Variants in RUVBL2 observed in about 807,000 individuals in gnomAD.
RUVBL2 encodes ruvB-like 2.
Under a neutral mutation model 57.9 loss-of-function variants are expected in RUVBL2, and 9 were observed. The ratio of observed to expected loss-of-function variants is 0.16; its 90% CI spans 0.09 to 0.27. The LOEUF (loss-of-function observed/expected upper bound fraction) is 0.27. Ranked by LOEUF, RUVBL2 falls within the 10% of genes least tolerant of loss-of-function variation. RUVBL2 has a pLI of 1.00. For synonymous variants in RUVBL2, 278 were observed against 264.6 expected (o/e 1.05, Z -0.49); for missense variants, 456 against 669.6 (o/e 0.68, Z 3.52).
rs776153588 is a variant in RUVBL2, at chr19:49,013,264, AT to A, written c.1002-1204del. ...GGGGTGAGTCACCGCGTCCGGCCTA[AT>A]TTTTTTTTTTTTTTTGTAGAGATGG... On this transcript the variant is annotated intron_variant, in intron 11 of 14. Coordinates refer to ENST00000595090, the MANE Select transcript of RUVBL2 (RefSeq NM_006666.3). Among the ~76,000 whole-genome samples, 1,160 of 134,158 alleles carry A rather than the reference AT, an allele frequency of 8.6e-3. 9 individuals carry two copies. Among genetic ancestry groups the A allele is most frequent in the Non-Finnish European group, 0.01 (642 of 62,064 alleles). The allele number at this position is 134,158 out of a possible 152,430, so 88.0% of individuals were successfully genotyped here.
Position 49,014,378 on chromosome 19 carries a change from G to T in RUVBL2, c.1002-106G>T, listed in dbSNP as rs568414484. The stretch of plus-strand genomic sequence containing the variant: ...AGACGCGAGCTAAAGGTTAAGTGGT[G>T]TTGGGCCCAGTGAGTGGGTGGCGAT... On this transcript the variant is annotated intron_variant, in intron 11 of 14. Coordinates refer to ENST00000595090, the MANE Select transcript of RUVBL2 (RefSeq NM_006666.3). 213 of 1,383,878 alleles carry T rather than the reference G, an allele frequency of 1.5e-4. No homozygotes were observed. The East Asian group carries it at 4.8e-3, about 31-fold the overall frequency. The allele number at this position is 1,383,878 out of a possible 1,614,324, so 85.7% of individuals were successfully genotyped here.
chr19:48,993,836 T>A, upstream of RUVBL2: 1 of 1,579,020 alleles, frequency 6.3e-7, no homozygotes, highest in Non-Finnish European at 8.7e-7. Flanking sequence ...AAGAACCAGC[T>A]AGCCTAGAGG....
At position 49,011,452 on chromosome 19, in the gene RUVBL2, G is replaced by A. The variant is rs559531502; in HGVS notation, c.1001+142G>A. The A allele has an allele frequency of 2.4e-4, 157 of 664,866 alleles. No individual in the cohort carries two copies. Among genetic ancestry groups the A allele is most frequent in the African/African-American group, 8.9e-4 (50 of 56,226 alleles). 41.2% of individuals were successfully genotyped at this position (664,866 alleles called of 1,614,324 possible). ...TGTGCGCTCTTTGCTTACAAAAGGCGGGTGGGAGGCAGCTCTGCTTCCCGA... is the reference window on the plus strand; with the variant it reads ...TGTGCGCTCTTTGCTTACAAAAGGCAGGTGGGAGGCAGCTCTGCTTCCCGA... On this transcript the variant is annotated intron_variant, in intron 11 of 14. Coordinates refer to ENST00000595090, the MANE Select transcript of RUVBL2 (RefSeq NM_006666.3). This position sits in a 1 kb window ranked among gnomAD's most constrained non-coding sequence, Gnocchi z 4.4.
intron 3 of RUVBL2, 143 bp downstream of exon 3, chr19:49,003,477 G>T (rs973403971): frequency 7.0e-6 from 5 of 713,458 alleles, no homozygotes; most frequent in Non-Finnish European, 7.1e-6. Flanking sequence ...CCACATGTGG[G>T]TTTTCTTGGT....
chr19:48,998,008 G>A (rs531997820), intron 1 of RUVBL2, among the ~76,000 whole-genome samples: 1 of 152,350 alleles, frequency 6.6e-6, no homozygotes, highest in Non-Finnish European at 1.5e-5. Context: ...AGGTGAACAA[G>A]AGAGAACAGG....
chr19:48,993,963 G>C, intron 1 of RUVBL2, 40 bp downstream of exon 1: 1 of 1,613,176 alleles, frequency 6.2e-7, no homozygotes, highest in South Asian at 1.1e-5. Flanking sequence ...CGAGCTAGCA[G>C]TCTCGAGTTT....
Position 49,003,697 on chromosome 19 carries a change from T to C in RUVBL2, c.123+363T>C, listed in dbSNP as rs554294329. Among the ~76,000 whole-genome samples the C allele has an allele frequency of 5.3e-5, 8 of 151,758 alleles. 1 individual carries two copies. In the East Asian group the frequency reaches 1.6e-3, roughly 29 times the overall value. The stretch of plus-strand genomic sequence containing the variant: ...TACTCAAGAGCCTAAGGCAGGAGAA[T>C]TGCTTGAACCTGGGAGGTGGAGGTT... On this transcript the variant is annotated intron_variant, in intron 3 of 14. Coordinates refer to ENST00000595090, the MANE Select transcript of RUVBL2 (RefSeq NM_006666.3).
Position 49,014,569 on chromosome 19 carries a change from A to T in RUVBL2, c.1087A>T (p.Ser363Cys), listed in dbSNP as rs563379730. The change falls in exon 12 of 15, where the codon AGC becomes TGC. Residue 363 changes from serine to cysteine, a missense_variant. This residue lies in a region of RUVBL2 where 130 missense variants were observed against 243.0 expected (regional missense o/e 0.53). Transcript: ENST00000595090. ...RLLIVSTTPY[S>C]EKDTKQILRI... ...GCTTATCGTCTCCACCACCCCCTAC[A>T]GCGAGAAAGACACGAAGCAGATCCT... is the stretch of plus-strand genomic sequence containing the variant. 83 of 1,614,124 alleles carry T rather than the reference A, an allele frequency of 5.1e-5. No individual in the cohort carries two copies. In the Middle Eastern group the frequency reaches 8.2e-4, roughly 16 times the overall value.
At chr19:49,009,360 G>A (rs933787630) in intron 6 of RUVBL2, among the ~76,000 whole-genome samples, 45 of 144,582 alleles carry the variant, frequency 3.1e-4, no homozygotes, top group African/African-American at 1.0e-3. Flanking sequence ...GGTGGCGGGC[G>A]CCTGTAGTCC....
At chr19:48,995,616 A>G (rs931372922) in intron 1 of RUVBL2, among the ~76,000 whole-genome samples, 1 of 151,836 alleles carries the variant, frequency 6.6e-6, no homozygotes, top group Non-Finnish European at 1.5e-5. Context: ...TGGGAGTCCG[A>G]GGTAGAAGGA....
At chr19:49,001,154 A>G (rs1276026030) in intron 2 of RUVBL2, among the ~76,000 whole-genome samples, 1 of 151,596 alleles carries the variant, frequency 6.6e-6, no homozygotes. Context: ...AAAAAATAAA[A>G]ATAAAAACAT....
At chr19:49,010,790 G>A (rs2039407065) in intron 9 of RUVBL2, among the ~76,000 whole-genome samples, 179 bp downstream of exon 9, 1 of 152,108 alleles carries the variant, frequency 6.6e-6, no homozygotes, top group Non-Finnish European at 1.5e-5. Flanking sequence ...CACCCCTGCT[G>A]GTGCTGTGAT....
At chr19:49,003,184 C>CAT in intron 2 of RUVBL2, 95 bp from the exon 3 acceptor site, 21 of 1,030,240 alleles carry the variant, frequency 2.0e-5, no homozygotes, top group East Asian at 8.3e-5. Flanking sequence ...CCACCCACCC[C>CAT]TTTGACAAAG....
intron 6 of RUVBL2, among the ~76,000 whole-genome samples, chr19:49,008,008 C>CT (rs915809242): frequency 0.05 from 4,522 of 90,334 alleles, 180 homozygotes; most frequent in Non-Finnish European, 0.057. Context: ...TACCTGGCCT[C>CT]TTTTTTTTTT....
intron 3 of RUVBL2, 21 bp downstream of exon 3, chr19:49,003,355 G>A (rs777132855): frequency 6.2e-7 from 1 of 1,612,642 alleles, no homozygotes; most frequent in Non-Finnish European, 8.5e-7. Flanking sequence ...GGAGGCTGGG[G>A]TGTGAGGGCC....
chr19:49,000,423 C>T (rs1462398598), intron 2 of RUVBL2, among the ~76,000 whole-genome samples: 3 of 151,562 alleles, frequency 2.0e-5, no homozygotes, highest in Admixed American at 2.0e-4. Context: ...GGCGTGGTGG[C>T]GCGTGCCTGT....
At position 49,010,482 on chromosome 19, in the gene RUVBL2, C is replaced by T. The variant is rs761870275; in HGVS notation, c.664-6C>T. 10 of 1,605,478 alleles carry T rather than the reference C, an allele frequency of 6.2e-6. No homozygotes were observed. The highest frequency in any genetic ancestry group is 8.5e-6 in the Non-Finnish European group (10 of 1,173,112). ...CCGCCGTTCTTCCCCCACCCCCGCC[C>T]CATAGACCAAGTTCGTGCAGTGCCC... On this transcript the variant is annotated splice_region_variant and splice_polypyrimidine_tract_variant and intron_variant, in intron 8 of 14. Coordinates refer to ENST00000595090, the MANE Select transcript of RUVBL2 (RefSeq NM_006666.3).
chr19:48,998,052 C>T (rs1348180413), intron 1 of RUVBL2, among the ~76,000 whole-genome samples: 1 of 152,226 alleles, frequency 6.6e-6, no homozygotes, highest in East Asian at 1.9e-4. Flanking sequence ...TCCACTGGAG[C>T]AGAGAATATT....
rs2039515287 is a variant in RUVBL2 at position 49,015,001 on chromosome 19, C to G, written c.1122-20C>G. The G allele has an allele frequency of 6.3e-7, 1 of 1,583,586 alleles. No individual in the cohort carries two copies. The highest frequency in any genetic ancestry group is 1.3e-5 in the African/African-American group (1 of 74,224). ...AGGCTGGGCCCCGGCTGAGCCACCC[C>G]TGTCCCCCACTGCTTGCAGGTGCGA... is the stretch of plus-strand genomic sequence containing the variant. On this transcript the variant is annotated intron_variant, in intron 12 of 14. Transcript: ENST00000595090.
Sources: gnomAD v4.1 joint callset for allele counts (sites outside exome capture counted in the v4.1 genomes callset) on GRCh38, gnomAD v4.1.1 for gene constraint, gnomAD v4.1.1 regional missense constraint, Gnocchi (gnomAD v3.1) non-coding constraint, MANE v1.5 for transcripts, NCBI Gene and HGNC (gene_info 2026-07-23, HGNC 2026-07-21) for gene names.